The following CPNE4 variants were observed in gnomAD, a reference collection of about 807,000 sequenced individuals.
CPNE4 encodes the protein copine-4.
In CPNE4, 25 loss-of-function variants were observed where a neutral mutation model predicts 67.9. That is an observed-to-expected ratio of 0.37 (90% CI 0.27 to 0.51). The LOEUF (loss-of-function observed/expected upper bound fraction) is 0.51, where lower values mean the gene tolerates loss of function less well. CPNE4 is among the 20% of genes least tolerant of loss of function. The probability of loss-of-function intolerance (pLI) is 0.93; values close to 1 mark genes in which losing one functional copy is unlikely to be tolerated. For synonymous variants in CPNE4, 242 were observed against 244.9 expected (o/e 0.99, Z 0.11); for missense variants, 464 against 690.8 (o/e 0.67, Z 3.68).
At chr3:131,679,442 A>T (rs1183957294) in intron 6 of CPNE4, among the ~76,000 whole-genome samples, 4 of 150,038 alleles carry the variant, frequency 2.7e-5, no homozygotes, top group African/African-American at 9.8e-5. Flanking sequence ...TTCAGCTTTG[A>T]TTTTGGTTAT....
intron 1 of CPNE4, among the ~76,000 whole-genome samples, chr3:131,913,339 G>A (rs1338848316): frequency 6.6e-6 from 1 of 152,288 alleles, no homozygotes; most frequent in African/African-American, 2.4e-5. Context: ...GAGCCAAAAT[G>A]GTACCATTTA....
upstream of CPNE4, among the ~76,000 whole-genome samples, chr3:132,038,605 C>A (rs768701017): frequency 2.4e-4 from 36 of 152,310 alleles, no homozygotes; most frequent in Admixed American, 3.9e-4. Flanking sequence ...TGAGGTCTCT[C>A]AGTTGTCCCT....
chr3:131,976,589 G>A (rs1205423170), intron 1 of CPNE4, among the ~76,000 whole-genome samples: 1 of 152,050 alleles, frequency 6.6e-6, no homozygotes, highest in Non-Finnish European at 1.5e-5. Flanking sequence ...AAGAGGAAAA[G>A]CAATTAAGGG....
chr3:131,791,587 C>T (rs2083722230), intron 2 of CPNE4, among the ~76,000 whole-genome samples: 1 of 152,120 alleles, frequency 6.6e-6, no homozygotes, highest in Non-Finnish European at 1.5e-5. Context: ...GACAAGCTTA[C>T]TTTATTTGAA....
chr3:131,553,326 T>C (rs1394816759), intron 12 of CPNE4, among the ~76,000 whole-genome samples: 1 of 152,120 alleles, frequency 6.6e-6, no homozygotes, highest in Non-Finnish European at 1.5e-5. Context: ...TCGGTGATGC[T>C]CTCAGTGCTT....
intron 2 of CPNE4, among the ~76,000 whole-genome samples, chr3:131,869,570 C>T (rs2087107715): frequency 6.6e-6 from 1 of 152,156 alleles, no homozygotes. Flanking sequence ...GTATCCCTCA[C>T]TTCTACATAT....
intron 2 of CPNE4, among the ~76,000 whole-genome samples, chr3:131,789,300 A>T (rs2083650944): frequency 6.6e-6 from 1 of 152,174 alleles, no homozygotes; most frequent in African/African-American, 2.4e-5. Flanking sequence ...GTCTTGGGTG[A>T]CTGACGCCCT....
chr3:131,819,633 C>T (rs2084886804), intron 2 of CPNE4, among the ~76,000 whole-genome samples: 1 of 152,146 alleles, frequency 6.6e-6, no homozygotes, highest in African/African-American at 2.4e-5. Flanking sequence ...CAATCTATTA[C>T]TTGAACTCCA....
intron 7 of CPNE4, among the ~76,000 whole-genome samples, chr3:131,615,929 G>GCA (rs55641783): frequency 0.053 from 4,146 of 78,018 alleles, 62 homozygotes; most frequent in Middle Eastern, 0.082. Context: ...ACACACACAC[G>GCA]CACACACACA....
intron 6 of CPNE4, among the ~76,000 whole-genome samples, chr3:131,675,653 T>A (rs2080538178): frequency 6.6e-6 from 1 of 152,152 alleles, no homozygotes; most frequent in South Asian, 2.1e-4. Context: ...TCTATTTGCA[T>A]GGGATACATT....
intron 3 of CPNE4, among the ~76,000 whole-genome samples, chr3:131,711,249 G>A (rs1228010432): frequency 1.3e-5 from 2 of 152,166 alleles, no homozygotes; most frequent in Non-Finnish European, 2.9e-5. Flanking sequence ...CATTGTCCAG[G>A]AGCACCAGAG....
chr3:131,979,040 T>C (rs1027744135), intron 1 of CPNE4, among the ~76,000 whole-genome samples: 2 of 152,168 alleles, frequency 1.3e-5, no homozygotes, highest in Admixed American at 6.6e-5. Flanking sequence ...TTTATTCCAC[T>C]GTGGTCTGAG....
At chr3:131,785,032 C>T (rs923645051) in intron 2 of CPNE4, among the ~76,000 whole-genome samples, 1 of 152,066 alleles carries the variant, frequency 6.6e-6, no homozygotes, top group Non-Finnish European at 1.5e-5. Context: ...CTTCTTGGAG[C>T]CTCTGTGTCT....
chr3:131,869,190 C>A lies in CPNE4; in HGVS notation c.180+36074G>T, dbSNP rs542842800. ...TTGTCTGTTTTCATTTTTTTAAACA[C>A]CTGGACAAATCTTATCACTTCCAGA... On this transcript the variant is annotated intron_variant, in intron 2 of 15. Transcript: ENST00000429747. Among the ~76,000 whole-genome samples the A allele has an allele frequency of 2.0e-4, 31 of 152,134 alleles. No homozygotes were observed. In the South Asian group the frequency reaches 6.0e-3, roughly 30 times the overall value.
chr3:131,611,291 C>T (rs1939826758), intron 7 of CPNE4, among the ~76,000 whole-genome samples: 1 of 152,074 alleles, frequency 6.6e-6, no homozygotes, highest in African/African-American at 2.4e-5. Context: ...TGCTAAGGAC[C>T]ATTAAATTTA....
At chr3:131,664,089 T>C (rs2080200200) in intron 7 of CPNE4, among the ~76,000 whole-genome samples, 1 of 152,134 alleles carries the variant, frequency 6.6e-6, no homozygotes, top group African/African-American at 2.4e-5. Flanking sequence ...GTTACTTGTG[T>C]GGTTTGGAAA....
chr3:131,775,882 G>A (rs2083277948), intron 2 of CPNE4, among the ~76,000 whole-genome samples: 1 of 152,184 alleles, frequency 6.6e-6, no homozygotes, highest in Non-Finnish European at 1.5e-5. Flanking sequence ...GATAAGAGAA[G>A]CCTTAGAGGG....
At chr3:131,949,338 T>C (rs1204959254) in intron 1 of CPNE4, among the ~76,000 whole-genome samples, 1 of 152,210 alleles carries the variant, frequency 6.6e-6, no homozygotes, top group Admixed American at 6.5e-5. Flanking sequence ...TCATATCAGA[T>C]ATGATGTTCC....
chr3:131,683,937 G>A (rs1354409018), intron 6 of CPNE4, among the ~76,000 whole-genome samples: 2 of 152,052 alleles, frequency 1.3e-5, no homozygotes, highest in Non-Finnish European at 2.9e-5. Context: ...TGATGGGGCA[G>A]CACTGAGTTC....
Sources: allele counts gnomAD v4.1 joint callset (sites outside exome capture counted in the v4.1 genomes callset), GRCh38; gene constraint gnomAD v4.1.1; transcripts MANE v1.5; gene names NCBI Gene and HGNC (gene_info 2026-07-23, HGNC 2026-07-21).